TULP4: variants seen among roughly 807,000 people sequenced by gnomAD.
TULP4 encodes tubby-related protein 4.
Under a neutral mutation model 129.0 loss-of-function variants are expected in TULP4, and 16 were observed. The observed-to-expected ratio is 0.12, with a 90% CI of 0.08 to 0.19. TULP4 has a LOEUF of 0.19. Among genes scored for constraint, TULP4 ranks in the 10% least tolerant of loss-of-function variants. TULP4 has a pLI of 1.00. For missense variants in TULP4, 1,842 were observed against 2,059.1 expected (o/e 0.89, Z 2.04); for synonymous variants, 998 against 854.0 (o/e 1.17, Z -2.94).
rs747033551 is a variant in TULP4 at position 158,413,037 on chromosome 6, G to A, written c.253-28G>A. Reference sequence around the variant, plus strand: ...CCTGGCCCACAGATTTATTTCCTGTGGTAAATGTCTTCTTGGTGGTTTTCT... The same window carrying A: ...CCTGGCCCACAGATTTATTTCCTGTAGTAAATGTCTTCTTGGTGGTTTTCT... On this transcript the variant is annotated intron_variant, in intron 1 of 13. Coordinates refer to ENST00000367097, the MANE Select transcript of TULP4 (RefSeq NM_020245.5). This position sits in a 1 kb window ranked among gnomAD's most constrained non-coding sequence, Gnocchi z 4.9. The A allele has an allele frequency of 1.0e-5, 16 of 1,593,648 alleles. No individual in the cohort carries two copies. In the East Asian group the frequency reaches 1.3e-4, roughly 13 times the overall value.
chr6:158,242,254 T>C, intron 1 of TULP4: 1 of 1,550,960 alleles, frequency 6.4e-7, no homozygotes, highest in Non-Finnish European at 8.9e-7. Context: ...CTGGTTCAGC[T>C]GGCCGTGGTC....
rs532877444 is a variant in TULP4, at chr6:158,365,637, C to T, written c.253-47428C>T. ...GACTACAGGTGCCCGCCACCATGCC[C>T]AGCTAATTTTTTGTTAGTAGAGAGG... On this transcript the variant is annotated intron_variant, in intron 1 of 13. Transcript: ENST00000367097. Among the ~76,000 whole-genome samples the T allele has an allele frequency of 3.9e-3, 592 of 151,286 alleles. 4 individuals carry two copies. Among genetic ancestry groups the T allele is most frequent in the African/African-American group, 0.014 (562 of 41,246 alleles).
At chr6:158,421,245 C>G (rs948855816) in intron 2 of TULP4, among the ~76,000 whole-genome samples, 1 of 152,060 alleles carries the variant, frequency 6.6e-6, no homozygotes, top group African/African-American at 2.4e-5. Flanking sequence ...GCCTGTAGTC[C>G]CAGCTACTCG....
chr6:158,235,136 C>A, intron 1 of TULP4, among the ~76,000 whole-genome samples: 1 of 151,970 alleles, frequency 6.6e-6, no homozygotes, highest in Non-Finnish European at 1.5e-5. Context: ...AGAGGTTGCA[C>A]CACTGCACTC....
At chr6:158,394,884 T>A (rs1195887578) in intron 1 of TULP4, among the ~76,000 whole-genome samples, 1 of 145,966 alleles carries the variant, frequency 6.9e-6, no homozygotes, top group Non-Finnish European at 1.5e-5. Flanking sequence ...ACAGGCTTAA[T>A]AGGAAGGATG....
At chr6:158,290,520 T>C (rs988273326) in intron 1 of TULP4, among the ~76,000 whole-genome samples, 1 of 151,818 alleles carries the variant, frequency 6.6e-6, no homozygotes, top group Non-Finnish European at 1.5e-5. Flanking sequence ...TACATTTTCA[T>C]TTATTTTTCC....
At chr6:158,304,756 T>TC (rs1779186559) in intron 1 of TULP4, among the ~76,000 whole-genome samples, 1 of 151,972 alleles carries the variant, frequency 6.6e-6, no homozygotes, top group Non-Finnish European at 1.5e-5. Flanking sequence ...AGCCTTGAGT[T>TC]CCCGGGCTCA....
intron 1 of TULP4, among the ~76,000 whole-genome samples, chr6:158,265,019 T>C (rs1778423461): frequency 2.0e-5 from 3 of 152,236 alleles, no homozygotes; most frequent in Admixed American, 6.5e-5. Context: ...GTCAAGTTAC[T>C]ACTGTGCATT....
At chr6:158,298,835 A>G (rs1779084359) in intron 1 of TULP4, among the ~76,000 whole-genome samples, 1 of 152,180 alleles carries the variant, frequency 6.6e-6, no homozygotes, top group Non-Finnish European at 1.5e-5. Flanking sequence ...GTTCTGCGCC[A>G]CAAAGAAGCA....
chr6:158,398,188 C>G (rs1386840674), intron 1 of TULP4, among the ~76,000 whole-genome samples: 1 of 152,172 alleles, frequency 6.6e-6, no homozygotes, highest in East Asian at 1.9e-4. Context: ...GCCTCAGGTA[C>G]CTGGTGCCCC....
chr6:158,373,218 AC>A (rs1777110135), intron 1 of TULP4, among the ~76,000 whole-genome samples: 1 of 152,234 alleles, frequency 6.6e-6, no homozygotes, highest in Non-Finnish European at 1.5e-5. Flanking sequence ...TGTAGCTCTT[AC>A]ATGGCTACGT....
At chr6:158,456,362 A>G (rs1779291625) in intron 5 of TULP4, among the ~76,000 whole-genome samples, 1 of 152,212 alleles carries the variant, frequency 6.6e-6, no homozygotes, top group African/African-American at 2.4e-5. Flanking sequence ...ATGTGGCCCA[A>G]CACAAATTTG....
chr6:158,376,784 G>A (rs759297841), intron 1 of TULP4, among the ~76,000 whole-genome samples: 27 of 152,326 alleles, frequency 1.8e-4, no homozygotes, highest in Non-Finnish European at 3.4e-4. Context: ...CATAACAGGA[G>A]CAGATGTGGC....
intron 1 of TULP4, among the ~76,000 whole-genome samples, chr6:158,262,870 G>A (rs1393552373): frequency 1.2e-5 from 1 of 86,074 alleles, no homozygotes; most frequent in East Asian, 4.4e-4. Flanking sequence ...TGGGTGTTGG[G>A]GTGAAGCATT....
chr6:158,285,450 A>G (rs758905806), intron 1 of TULP4, among the ~76,000 whole-genome samples: 1 of 152,138 alleles, frequency 6.6e-6, no homozygotes, highest in Non-Finnish European at 1.5e-5. Context: ...TATGATGTTG[A>G]CATCTGTATT....
chr6:158,444,194 TG>T (rs1411425311), intron 3 of TULP4, among the ~76,000 whole-genome samples: 4 of 107,930 alleles, frequency 3.7e-5, no homozygotes, highest in East Asian at 3.3e-4. Flanking sequence ...TACTCCAGCC[TG>T]GGCGACAGAG....
chr6:158,346,367 G>A (rs150119716), intron 1 of TULP4, among the ~76,000 whole-genome samples: 4 of 152,268 alleles, frequency 2.6e-5, no homozygotes, highest in South Asian at 4.1e-4. Context: ...AGCTCCAGCC[G>A]GTCCCTCCCT....
At position 158,432,018 on chromosome 6, in the gene TULP4, G is replaced by T. The variant is rs570945214; in HGVS notation, c.543+2121G>T. Among the ~76,000 whole-genome samples the T allele has an allele frequency of 1.4e-3, 213 of 151,444 alleles. 1 individual carries two copies. The highest frequency in any genetic ancestry group is 3.4e-3 in the Middle Eastern group (1 of 292). On this transcript the variant is annotated intron_variant, in intron 3 of 13. Transcript: ENST00000367097. ...GGGTGCCTGTTGTCTCAGCTAGTCA[G>T]GAGGCTGAGGTGGGAGGCTCACTTG...
At chr6:158,235,678 A>G (rs556794815) in intron 1 of TULP4, among the ~76,000 whole-genome samples, 213 of 152,280 alleles carry the variant, frequency 1.4e-3, no homozygotes, top group Non-Finnish European at 2.5e-3. Context: ...ACTGAATAAT[A>G]TTCCATTGTA....
Sources: gnomAD v4.1 joint callset for allele counts (sites outside exome capture counted in the v4.1 genomes callset) on GRCh38, gnomAD v4.1.1 for gene constraint, Gnocchi (gnomAD v3.1) non-coding constraint, MANE v1.5 for transcripts, NCBI Gene and HGNC (gene_info 2026-07-23, HGNC 2026-07-21) for gene names.